Variants in ROBO2 observed in about 807,000 individuals in gnomAD.
The protein encoded by ROBO2 is roundabout homolog 2.
ROBO2 carries 53 observed loss-of-function variants against 160.8 expected under a neutral mutation model. The observed-to-expected ratio is 0.33, with a 90% CI of 0.26 to 0.41. ROBO2 has a LOEUF of 0.41. Ranked by LOEUF, ROBO2 falls within the 10% of genes least tolerant of loss-of-function variation. ROBO2 has a pLI of 1.00. For missense variants in ROBO2, 1,577 were observed against 1,722.4 expected, an observed-to-expected ratio of 0.92 and a Z score of 1.49; for synonymous variants, 664 against 611.7, an observed-to-expected ratio of 1.09 and a Z score of -1.26.
chr3:76,906,303 C>CAT (rs1406802524), intron 2 of ROBO2, among the ~76,000 whole-genome samples: 5 of 151,616 alleles, frequency 3.3e-5, no homozygotes, highest in Admixed American at 2.0e-4. Context: ...AGATATATTA[C>CAT]ATATATATAA....
intron 2 of ROBO2, among the ~76,000 whole-genome samples, chr3:76,442,089 C>T (rs1304806165): frequency 6.6e-6 from 1 of 152,098 alleles, no homozygotes; most frequent in Non-Finnish European, 1.5e-5. Context: ...TCTCACAGGG[C>T]AGAAGAAAAA....
chr3:76,474,740 C>T (rs2078840483), intron 2 of ROBO2, among the ~76,000 whole-genome samples: 2 of 152,016 alleles, frequency 1.3e-5, no homozygotes, highest in Admixed American at 1.3e-4. Context: ...GTCTGGAATC[C>T]GCTGGAGATC....
chr3:77,453,819 T>G (rs1474826815), intron 2 of ROBO2, among the ~76,000 whole-genome samples: 1 of 152,176 alleles, frequency 6.6e-6, no homozygotes, highest in Non-Finnish European at 1.5e-5. Flanking sequence ...ATTATGGGAT[T>G]AATTTTTATC....
intron 2 of ROBO2, among the ~76,000 whole-genome samples, chr3:77,345,608 A>G (rs917931552): frequency 2.0e-5 from 3 of 152,020 alleles, no homozygotes; most frequent in South Asian, 4.1e-4. Flanking sequence ...CTATCTTTAA[A>G]CCTCTGTATC....
chr3:76,587,700 T>C (rs2086141075), intron 2 of ROBO2, among the ~76,000 whole-genome samples: 1 of 152,174 alleles, frequency 6.6e-6, no homozygotes, highest in African/African-American at 2.4e-5. Flanking sequence ...CCAAACCATA[T>C]CAGTACCCAA....
At chr3:76,834,793 A>T (rs1430191167) in intron 2 of ROBO2, among the ~76,000 whole-genome samples, 1 of 152,182 alleles carries the variant, frequency 6.6e-6, no homozygotes, top group Non-Finnish European at 1.5e-5. Flanking sequence ...GCTATAGCAC[A>T]TCTATATAGA....
At chr3:77,417,134 T>G (rs1379644776) in intron 2 of ROBO2, among the ~76,000 whole-genome samples, 2 of 152,080 alleles carry the variant, frequency 1.3e-5, no homozygotes, top group Non-Finnish European at 2.9e-5. Context: ...AGGTGCAATT[T>G]CATGTGAGGG....
At chr3:75,937,589 T>C in exon 2 of ROBO2, 1 of 1,557,212 alleles carries the variant, frequency 6.4e-7, no homozygotes, top group South Asian at 1.2e-5. Flanking sequence ...ATCAGGGGAA[T>C]GGACAAGGCC....
chr3:77,071,798 C>A (rs1269682644), intron 1 of ROBO2, among the ~76,000 whole-genome samples: 6 of 152,204 alleles, frequency 3.9e-5, no homozygotes, highest in Non-Finnish European at 8.8e-5. Flanking sequence ...TCCTTACTTG[C>A]ACGAGGCTGA....
At chr3:75,937,518 A>G in exon 2 of ROBO2, 1 of 1,575,646 alleles carries the variant, frequency 6.3e-7, no homozygotes, top group Non-Finnish European at 8.6e-7. Context: ...TGAACGTGTC[A>G]CTAGAAGGAT....
chr3:76,639,871 C>T (rs1259792900), intron 2 of ROBO2, among the ~76,000 whole-genome samples: 1 of 152,146 alleles, frequency 6.6e-6, no homozygotes, highest in Non-Finnish European at 1.5e-5. Context: ...AATAATACCA[C>T]CTAACACATA....
chr3:76,253,055 A>G (rs1043304202), intron 2 of ROBO2, among the ~76,000 whole-genome samples: 4 of 152,052 alleles, frequency 2.6e-5, no homozygotes, highest in African/African-American at 7.2e-5. Flanking sequence ...CACATTTACA[A>G]GAGACCTTCA....
chr3:77,158,296 T>G (rs2078187484), intron 2 of ROBO2, among the ~76,000 whole-genome samples: 1 of 152,228 alleles, frequency 6.6e-6, no homozygotes, highest in South Asian at 2.1e-4. Context: ...ACAGGCTTCA[T>G]GGGAATGGCC....
intron 2 of ROBO2, among the ~76,000 whole-genome samples, chr3:76,688,635 G>T (rs2197726): frequency 6.7e-6 from 1 of 149,224 alleles, no homozygotes. Flanking sequence ...GTGCATGCAA[G>T]AAACCAAGAA....
intron 2 of ROBO2, among the ~76,000 whole-genome samples, chr3:77,354,428 CAT>C: frequency 1.1e-4 from 1 of 9,066 alleles, no homozygotes; most frequent in Non-Finnish European, 7.9e-4. Context: ...TATTTCGCGG[CAT>C]GAATTTGCAT....
intron 2 of ROBO2, among the ~76,000 whole-genome samples, chr3:76,558,624 GT>G (rs1220198942): frequency 1.3e-5 from 2 of 151,972 alleles, no homozygotes; most frequent in East Asian, 3.9e-4. Flanking sequence ...TTTCCTCAGG[GT>G]TTTTTTAGAT....
intron 2 of ROBO2, among the ~76,000 whole-genome samples, chr3:75,971,088 T>C (rs1295889213): frequency 6.6e-6 from 1 of 151,312 alleles, no homozygotes; most frequent in Non-Finnish European, 1.5e-5. Context: ...ATCAAAGTTG[T>C]GTATCCCTAT....
chr3:76,896,119 T>A (rs1305197788), intron 2 of ROBO2, among the ~76,000 whole-genome samples: 1 of 152,194 alleles, frequency 6.6e-6, no homozygotes, highest in Admixed American at 6.5e-5. Flanking sequence ...GAAAAACCCA[T>A]TCCTGACCTT....
intron 2 of ROBO2, among the ~76,000 whole-genome samples, chr3:76,169,441 T>C (rs1446101275): frequency 6.6e-6 from 1 of 152,156 alleles, no homozygotes; most frequent in Non-Finnish European, 1.5e-5. Flanking sequence ...TTCTATGTCT[T>C]TGCCGTATGA....
Sources: gnomAD v4.1 joint callset for allele counts (sites outside exome capture counted in the v4.1 genomes callset) on GRCh38, gnomAD v4.1.1 for gene constraint, MANE v1.5 for transcripts, NCBI Gene and HGNC (gene_info 2026-07-23, HGNC 2026-07-21) for gene names.